CFAP44: variants seen among roughly 807,000 people sequenced by gnomAD.
The protein encoded by CFAP44 is cilia- and flagella-associated protein 44.
In CFAP44, 134 loss-of-function variants were observed where a neutral mutation model predicts 216.2. The observed-to-expected ratio is 0.62, with a 90% confidence interval of 0.54 to 0.72. The LOEUF is 0.72. Among genes scored for constraint, CFAP44 ranks in the 30% least tolerant of loss-of-function variants. CFAP44 has a pLI of 0.00. For synonymous variants in CFAP44, 700 were observed against 727.6 expected (o/e 0.96, Z 0.61); for missense variants, 2,035 against 2,182.1 (o/e 0.93, Z 1.34).
At chr3:113,309,888 CT>C (rs1950022361) in intron 28 of CFAP44, among the ~76,000 whole-genome samples, 1 of 152,128 alleles carries the variant, frequency 6.6e-6, no homozygotes, top group African/African-American at 2.4e-5. Flanking sequence ...CACAGAAAGC[CT>C]CAACAAAAGC....
At chr3:113,424,847 T>G (rs1425386315) in intron 4 of CFAP44, among the ~76,000 whole-genome samples, 1 of 152,212 alleles carries the variant, frequency 6.6e-6, no homozygotes, top group African/African-American at 2.4e-5. Context: ...TTTAGGCATA[T>G]TTGTCTAATA....
intron 32 of CFAP44, among the ~76,000 whole-genome samples, chr3:113,298,917 T>C (rs1255440684): frequency 6.6e-6 from 1 of 152,238 alleles, no homozygotes; most frequent in Non-Finnish European, 1.5e-5. Flanking sequence ...GTGGTGATGG[T>C]TGCACAATCA....
chr3:113,363,665 T>A, intron 19 of CFAP44, 133 bp from the exon 20 acceptor site: 1 of 762,628 alleles, frequency 1.3e-6, no homozygotes, highest in Non-Finnish European at 1.9e-6. Flanking sequence ...TAATTATAGG[T>A]CTGAAAATCA....
chr3:113,330,597 C>T lies in CFAP44; in HGVS notation c.3687G>A (p.Glu1229=). The stretch of plus-strand genomic sequence containing the variant: ...GTTCTTGTACCAGGCACTGTATTTC[C>T]TCAACAACAGCCACTTTAAGGTCTC... The part of the protein sequence containing the change: ...SLRDLKVAVV[E]EIQCLVQELK... Residue 1229 remains glutamate (E), a synonymous_variant, in exon 26 of 35, where the codon GAG becomes GAA. Transcript: ENST00000393845. 3.3e-6 allele frequency: 5 copies of T among 1,537,144 alleles called. No homozygotes were observed. The highest frequency in any genetic ancestry group is 4.4e-6 in the Non-Finnish European group (5 of 1,146,866).
chr3:113,294,193 TATCCACCAC>T, intron 34 of CFAP44: 1 of 378,526 alleles, frequency 2.6e-6, no homozygotes. Context: ...TAATTAGGTA[TATCCACCAC>T]ATACAATGTA....
intron 28 of CFAP44, among the ~76,000 whole-genome samples, chr3:113,321,234 T>A (rs915083773): frequency 6.6e-6 from 1 of 152,176 alleles, no homozygotes; most frequent in Non-Finnish European, 1.5e-5. Flanking sequence ...AATCAGTAAA[T>A]GTGATTCACC....
intron 28 of CFAP44, among the ~76,000 whole-genome samples, chr3:113,312,800 C>A (rs1950052328): frequency 6.6e-6 from 1 of 152,166 alleles, no homozygotes; most frequent in Admixed American, 6.5e-5. Flanking sequence ...TTGGCAGTTT[C>A]CACATAGTGT....
At chr3:113,323,359 A>G (rs968720356) in intron 28 of CFAP44, among the ~76,000 whole-genome samples, 4 of 152,240 alleles carry the variant, frequency 2.6e-5, no homozygotes, top group African/African-American at 9.6e-5. Context: ...GAATTCACAC[A>G]GGAACAGAAA....
In CFAP44 at chr3:113,411,944, G is replaced by A. The variant is rs368773423; in HGVS notation, c.674-2622C>T. On this transcript the variant is annotated intron_variant, in intron 6 of 34. Coordinates refer to ENST00000393845, the MANE Select transcript of CFAP44 (RefSeq NM_001164496.2). ...TCACTCATGATTTGGCTCTCTGTCT[G>A]TTATTGGTGTATAAGAATGCTTGTG... 1.9e-3 allele frequency among the ~76,000 whole-genome samples: 290 copies of A among 151,530 alleles called. 2 individuals carry two copies. The highest frequency in any genetic ancestry group is 5.7e-3 in the African/African-American group (237 of 41,424).
At chr3:113,404,724 T>G (rs1934231815) in intron 8 of CFAP44, among the ~76,000 whole-genome samples, 1 of 152,170 alleles carries the variant, frequency 6.6e-6, no homozygotes, top group South Asian at 2.1e-4. Context: ...AACAGCTTTT[T>G]CTGACCCCCG....
intron 15 of CFAP44, among the ~76,000 whole-genome samples, chr3:113,384,757 T>C (rs566886171): frequency 6.6e-6 from 1 of 152,338 alleles, no homozygotes; most frequent in East Asian, 1.9e-4. Context: ...CACTTTGTTG[T>C]ATTTTGTTAT....
At chr3:113,398,013 T>G (rs537249896) in intron 13 of CFAP44, among the ~76,000 whole-genome samples, 54 of 152,316 alleles carry the variant, frequency 3.5e-4, no homozygotes, top group Non-Finnish European at 6.2e-4. Context: ...TGGAAGAGCC[T>G]GGGCATCCTG....
intron 13 of CFAP44, among the ~76,000 whole-genome samples, chr3:113,399,142 G>A (rs1934069756): frequency 6.6e-6 from 1 of 152,114 alleles, no homozygotes; most frequent in African/African-American, 2.4e-5. Context: ...TCCCAGCTTA[G>A]CCTAGCCTTC....
At chr3:113,388,908 A>G (rs1039359247) in intron 15 of CFAP44, among the ~76,000 whole-genome samples, 4 of 152,184 alleles carry the variant, frequency 2.6e-5, no homozygotes, top group Admixed American at 1.3e-4. Flanking sequence ...AAAGAGATCA[A>G]CCCCAATACA....
rs935628346 is a variant in CFAP44, at chr3:113,419,932, A to T, written c.570+85T>A. The stretch of plus-strand genomic sequence containing the variant: ...CCACAATACTGTGCATGGTGTTGGC[A>T]TCTAACAACCATGTTGGCTGGTCCA... On this transcript the variant is annotated intron_variant, in intron 5 of 34. Transcript: ENST00000393845. 9 of 1,420,262 alleles carry T rather than the reference A, an allele frequency of 6.3e-6. No individual in the cohort carries two copies. In the Admixed American group the frequency reaches 1.2e-4, roughly 19 times the overall value. The allele number at this position is 1,420,262 out of a possible 1,614,324, so 88.0% of individuals were successfully genotyped here. A position where few individuals can be genotyped will look rare whatever the true frequency, so the allele number is the denominator to read the frequency against.
rs1275726160 is a variant in CFAP44, at chr3:113,381,035, C to T, written c.1916G>A (p.Cys639Tyr). 1 of 1,579,900 alleles carries T rather than the reference C, an allele frequency of 6.3e-7. No individual in the cohort carries two copies. The highest frequency in any genetic ancestry group is 1.8e-5 in the Admixed American group (1 of 55,104). The part of the protein sequence containing the change: ...SHPESTLLII[C>Y]ENGYILEAPL... The stretch of plus-strand genomic sequence containing the variant: ...AGCTTCAAGAATATAGCCATTTTCA[C>T]AGATAATTAGTAAAGTACTTTCAGG... Residue 639 changes from cysteine to tyrosine, a missense_variant, in exon 16 of 35, where the codon TGT becomes TAT. Transcript: ENST00000393845.
At chr3:113,332,190 C>T (rs750248541) in intron 25 of CFAP44, among the ~76,000 whole-genome samples, 4 of 152,130 alleles carry the variant, frequency 2.6e-5, no homozygotes, top group Non-Finnish European at 5.9e-5. Context: ...GTCATAAGAA[C>T]ATTTCTCTAC....
chr3:113,296,204 G>A (rs1412486469), intron 33 of CFAP44, among the ~76,000 whole-genome samples: 7 of 152,108 alleles, frequency 4.6e-5, no homozygotes, highest in Admixed American at 2.6e-4. Flanking sequence ...AGCTCCATTC[G>A]TGTTGCTGCA....
Position 113,433,673 on chromosome 3 carries a change from TAAGTACAA to T in CFAP44, c.-5-12_-5-5del, listed in dbSNP as rs1935165838. 2 of 1,606,264 alleles carry T rather than the reference TAAGTACAA, an allele frequency of 1.2e-6. No homozygotes were observed. The highest frequency in any genetic ancestry group is 2.7e-5 in the African/African-American group (2 of 74,882). Reference sequence around the variant, plus strand: ...TCATCTGGTTCCTTCATTTCCTCTGTAAGTACAAAATGGGGATGAGATATGGATAAAGC... The same window carrying T: ...TCATCTGGTTCCTTCATTTCCTCTGTAATGGGGATGAGATATGGATAAAGC... On this transcript the variant is annotated splice_region_variant and splice_polypyrimidine_tract_variant and intron_variant, in intron 1 of 34. Coordinates refer to ENST00000393845, the MANE Select transcript of CFAP44 (RefSeq NM_001164496.2).
Sources: allele counts gnomAD v4.1 joint callset (sites outside exome capture counted in the v4.1 genomes callset), GRCh38; gene constraint gnomAD v4.1.1; transcripts MANE v1.5; gene names NCBI Gene and HGNC (gene_info 2026-07-23, HGNC 2026-07-21).